The following TJP1 variants were observed in gnomAD, a reference collection of about 807,000 sequenced individuals.
The protein encoded by TJP1 is tight junction protein 1, also known as tight junction protein ZO-1.
A neutral mutation model predicts 194.2 loss-of-function variants in TJP1; 43 were observed. The observed-to-expected ratio is 0.22, with a 90% CI of 0.17 to 0.29. TJP1 has a LOEUF of 0.29. TJP1 is among the 10% of genes least tolerant of loss of function. The pLI, the probability that TJP1 is intolerant of heterozygous loss-of-function variation, is 1.00. For synonymous variants in TJP1, 801 were observed against 779.0 expected (o/e 1.03, Z -0.47); for missense variants, 1,971 against 2,185.7 (o/e 0.90, Z 1.96).
At position 29,822,356 on chromosome 15, in the gene TJP1, C is replaced by A; in HGVS notation, c.-328G>T. 2 of 1,047,094 alleles carry A rather than the reference C, an allele frequency of 1.9e-6. No individual in the cohort carries two copies. The highest frequency in any genetic ancestry group is 2.3e-6 in the Non-Finnish European group (2 of 869,696). The allele number at this position is 1,047,094 out of a possible 1,614,324, so 64.9% of individuals were successfully genotyped here. On this transcript the variant is annotated 5_prime_UTR_variant, in exon 1 of 28. Transcript: ENST00000614355. The stretch of plus-strand genomic sequence containing the variant: ...GCCCGCCCGTCAGCAGCACCCGTGG[C>A]CTCCCGGCGTCTCCTCGGAAGCCGG...
chr15:29,908,744 C>A (rs537446755), intron 2 of TJP1, among the ~76,000 whole-genome samples: 7 of 152,258 alleles, frequency 4.6e-5, no homozygotes, highest in African/African-American at 1.7e-4. Flanking sequence ...CTCGGCCGGG[C>A]ACAGCAGCTC....
At chr15:29,712,889 A>G (rs762797089) in intron 23 of TJP1, among the ~76,000 whole-genome samples, 1 of 152,080 alleles carries the variant, frequency 6.6e-6, no homozygotes, top group East Asian at 1.9e-4. Flanking sequence ...GAAGAGCTAC[A>G]TTGAGCCCCT....
At chr15:29,854,468 G>C (rs554519061) in intron 2 of TJP1, among the ~76,000 whole-genome samples, 2 of 152,220 alleles carry the variant, frequency 1.3e-5, no homozygotes, top group Admixed American at 6.5e-5. Flanking sequence ...GACAAAAGAG[G>C]GGAACGTGAT....
At chr15:29,965,764 A>G (rs1240823199) in intron 1 of TJP1, among the ~76,000 whole-genome samples, 1 of 152,232 alleles carries the variant, frequency 6.6e-6, no homozygotes, top group Non-Finnish European at 1.5e-5. Flanking sequence ...ATGTTCTCCA[A>G]CTTAAGAATA....
intron 2 of TJP1, among the ~76,000 whole-genome samples, chr15:29,836,743 A>G (rs1567120027): frequency 6.6e-6 from 1 of 152,234 alleles, no homozygotes; most frequent in Admixed American, 6.5e-5. Flanking sequence ...TCATGGAGAC[A>G]GAGCCCTCAT....
chr15:29,949,583 T>A (rs1270968564), intron 2 of TJP1, among the ~76,000 whole-genome samples: 7 of 46,992 alleles, frequency 1.5e-4, no homozygotes, highest in African/African-American at 3.1e-4. Context: ...AACCACCACC[T>A]CCACCTCCAC....
At chr15:29,914,067 G>C (rs2054105997) in intron 2 of TJP1, among the ~76,000 whole-genome samples, 1 of 152,052 alleles carries the variant, frequency 6.6e-6, no homozygotes, top group South Asian at 2.1e-4. Context: ...GTCACACAAG[G>C]GAATGAATGT....
rs868312670 is a variant in TJP1, at chr15:29,822,056, C to T, written c.-28G>A. ...TGTCTCTCTCCAGCGCCGCGCGAGG[C>T]TCCTCGGACCCGAAACTCCGCGGCG... On this transcript the variant is annotated 5_prime_UTR_variant, in exon 1 of 28. Transcript: ENST00000614355. 16 of 1,285,796 alleles carry T rather than the reference C, an allele frequency of 1.2e-5. No homozygotes were observed. In the Middle Eastern group the frequency reaches 2.1e-3, roughly 169 times the overall value. 79.6% of individuals were successfully genotyped at this position (1,285,796 alleles called of 1,614,324 possible).
chr15:29,957,750 T>TTA (rs2056001781), intron 1 of TJP1, among the ~76,000 whole-genome samples: 1 of 152,184 alleles, frequency 6.6e-6, no homozygotes. Context: ...TACAAATGCA[T>TTA]TATTTAGTTA....
At chr15:29,810,728 G>A (rs994646396) in intron 1 of TJP1, among the ~76,000 whole-genome samples, 1 of 152,148 alleles carries the variant, frequency 6.6e-6, no homozygotes, top group Non-Finnish European at 1.5e-5. Flanking sequence ...TAGTTTCTGG[G>A]CTCTGGGCAA....
intron 2 of TJP1, among the ~76,000 whole-genome samples, chr15:29,914,426 G>A (rs1522791): frequency 0.16 from 24,601 of 152,056 alleles, 2,270 homozygotes; most frequent in East Asian, 0.31. Context: ...GAGAAAGCCA[G>A]GCAGCAGCAG....
At chr15:29,861,383 C>T (rs1221242621) in intron 2 of TJP1, among the ~76,000 whole-genome samples, 1 of 152,172 alleles carries the variant, frequency 6.6e-6, no homozygotes, top group Admixed American at 6.5e-5. Context: ...TTGATTTGCA[C>T]TTCCTGACGA....
Position 29,701,583 on chromosome 15 carries a change from A to G in TJP1, c.*12T>C, listed in dbSNP as rs745824394. The G allele has an allele frequency of 9.4e-6, 15 of 1,599,432 alleles. No individual in the cohort carries two copies. The South Asian group carries it at 1.1e-4, about 12-fold the overall frequency. On this transcript the variant is annotated 3_prime_UTR_variant, in exon 28 of 28. Coordinates refer to ENST00000614355, the MANE Select transcript of TJP1 (RefSeq NM_001330239.4). ...CCAGTTTCACATTATTTAAGTTCCT[A>G]TATTTCAAGAGTTAAAAGTGGTCAA...
chr15:29,875,379 A>G (rs1333546032), intron 2 of TJP1, among the ~76,000 whole-genome samples: 1 of 152,154 alleles, frequency 6.6e-6, no homozygotes, highest in African/African-American at 2.4e-5. Flanking sequence ...GTTGCCATTG[A>G]AAATTACAGC....
In TJP1 at chr15:29,762,401, C is replaced by T; in HGVS notation, c.627G>A (p.Lys209=). ...GLRLASHIFV[K]EISQDSLAAR... is the part of the protein sequence containing the mutation. ...CTGCCAAACTATCTTGTGAAATTTCCTTAACAAATATATGGCTTGCCAATC... is the reference window on the plus strand; with the variant it reads ...CTGCCAAACTATCTTGTGAAATTTCTTTAACAAATATATGGCTTGCCAATC... Residue 209 remains lysine, a synonymous_variant, in exon 6 of 28, where the codon AAG becomes AAA. Coordinates refer to ENST00000614355, the MANE Select transcript of TJP1 (RefSeq NM_001330239.4). 6.2e-7 allele frequency: 1 copy of T among 1,613,550 alleles called. No individual in the cohort carries two copies. The highest frequency in any genetic ancestry group is 8.5e-7 in the Non-Finnish European group (1 of 1,179,894).
At chr15:29,914,676 C>T (rs1718977) in intron 2 of TJP1, among the ~76,000 whole-genome samples, 1 of 151,812 alleles carries the variant, frequency 6.6e-6, no homozygotes, top group African/African-American at 2.4e-5. Context: ...GCTGAGAAGA[C>T]AGACCTCCGG....
At chr15:29,893,008 C>A (rs899980339) in intron 2 of TJP1, among the ~76,000 whole-genome samples, 2 of 152,126 alleles carry the variant, frequency 1.3e-5, no homozygotes, top group African/African-American at 4.8e-5. Flanking sequence ...AATTAAAAAT[C>A]TTCTGGAAAG....
upstream of TJP1, among the ~76,000 whole-genome samples, chr15:29,827,373 C>T (rs748042664): frequency 1.4e-4 from 21 of 152,174 alleles, no homozygotes; most frequent in Non-Finnish European, 2.1e-4. Context: ...GACCCCAGGG[C>T]CCTCTGACCG....
chr15:29,901,655 C>G (rs2053637932), intron 2 of TJP1, among the ~76,000 whole-genome samples: 1 of 152,090 alleles, frequency 6.6e-6, no homozygotes, highest in Non-Finnish European at 1.5e-5. Flanking sequence ...AACCCCATCT[C>G]TACTAAAAAT....
Sources: allele counts gnomAD v4.1 joint callset (sites outside exome capture counted in the v4.1 genomes callset), GRCh38; gene constraint gnomAD v4.1.1; transcripts MANE v1.5; gene names NCBI Gene and HGNC (gene_info 2026-07-23, HGNC 2026-07-21).